POP4: variants seen among roughly 807,000 people sequenced by gnomAD.
POP4 encodes the protein ribonuclease P protein subunit p29.
In POP4, 31 loss-of-function variants were observed where a neutral mutation model predicts 29.9. The observed-to-expected ratio is 1.04, with a 90% CI of 0.78 to 1.40. The LOEUF (loss-of-function observed/expected upper bound fraction) is 1.40, where lower values mean the gene tolerates loss of function less well. POP4 is among the 40% of genes most tolerant of loss of function. POP4 has a pLI of 0.00. For synonymous variants in POP4, 110 were observed against 108.2 expected (o/e 1.02, Z -0.10); for missense variants, 286 against 282.7 (o/e 1.01, Z -0.08).
chr19:29,608,639 T>C lies in POP4; in HGVS notation c.8-18T>C. Reference sequence around the variant, plus strand: ...ATACCCAACAAGAATTGATCATTTCTTTTTTTTAATCCCCCAGGTGTGATC... The same window carrying C: ...ATACCCAACAAGAATTGATCATTTCCTTTTTTTAATCCCCCAGGTGTGATC... On this transcript the variant is annotated intron_variant, in intron 1 of 6. Coordinates refer to ENST00000585603, the MANE Select transcript of POP4 (RefSeq NM_006627.3). 6.3e-7 allele frequency: 1 copy of C among 1,593,062 alleles called. No individual in the cohort carries two copies. The highest frequency in any genetic ancestry group is 8.6e-7 in the Non-Finnish European group (1 of 1,165,360).
At position 29,615,885 on chromosome 19, in the gene POP4, T is replaced by C. The variant is rs965529281; in HGVS notation, c.*505T>C. ...ACAGAGGCTCGCCTTTGGGTGGAACTCTGACCCACCTAAGGTTTACTTTGC... is the reference window on the plus strand; with the variant it reads ...ACAGAGGCTCGCCTTTGGGTGGAACCCTGACCCACCTAAGGTTTACTTTGC... On this transcript the variant is annotated 3_prime_UTR_variant, in exon 7 of 7. Transcript: ENST00000585603. 6.5e-6 allele frequency: 1 copy of C among 153,000 alleles called. No individual in the cohort carries two copies. The highest frequency in any genetic ancestry group is 1.5e-5 in the Non-Finnish European group (1 of 68,596). 9.5% of individuals were successfully genotyped at this position (153,000 alleles called of 1,614,324 possible).
At chr19:29,606,691 C>G (rs1031254240) in intron 1 of POP4, among the ~76,000 whole-genome samples, 5 of 152,208 alleles carry the variant, frequency 3.3e-5, no homozygotes, top group Non-Finnish European at 4.4e-5. Context: ...ATGCAAAGCG[C>G]CGAGAGCTGC....
At position 29,612,145 on chromosome 19, in the gene POP4, T is replaced by G. The variant is rs1384857147; in HGVS notation, c.391T>G (p.Leu131Val). The change falls in exon 5 of 7, where the codon TTA becomes GTA. Residue 131 changes from leucine (L) to valine (V), a missense_variant. Leu to Val is a conservative substitution (Grantham distance 32, BLOSUM62 1). Coordinates refer to ENST00000585603, the MANE Select transcript of POP4 (RefSeq NM_006627.3). ...TQPQMIQAKL[L>V]KADLHGAIIS... ...GCCACAGATGATTCAGGCCAAGCTC[T>G]TAAAGGCAGATCTTCACGGGGCTAT... 1 of 1,611,516 alleles carries G rather than the reference T, an allele frequency of 6.2e-7. No individual in the cohort carries two copies. The highest frequency in any genetic ancestry group is 8.5e-7 in the Non-Finnish European group (1 of 1,179,310).
intron 1 of POP4, among the ~76,000 whole-genome samples, chr19:29,607,397 A>G (rs1050510122): frequency 6.6e-6 from 1 of 152,120 alleles, no homozygotes; most frequent in Non-Finnish European, 1.5e-5. Flanking sequence ...GCAGTGAGCT[A>G]TGATTGTGCC....
At chr19:29,614,262 G>C (rs916645145) in intron 6 of POP4, among the ~76,000 whole-genome samples, 2 of 152,202 alleles carry the variant, frequency 1.3e-5, no homozygotes, top group African/African-American at 4.8e-5. Context: ...CCAGGAGAGG[G>C]CCTCCACCTG....
rs370465931 is a variant in POP4, at chr19:29,611,925, G to A, written c.348G>A (p.Gly116=). 25 of 1,614,014 alleles carry A rather than the reference G, an allele frequency of 1.5e-5. No individual in the cohort carries two copies. In the African/African-American group the frequency reaches 3.2e-4, roughly 21 times the overall value. ...AGTACATCAGGGACCTGTGCAGTGGGCTCAAGCCAGACACGTAAGTTGCAT... is the reference window on the plus strand; with the variant it reads ...AGTACATCAGGGACCTGTGCAGTGGACTCAAGCCAGACACGTAAGTTGCAT... ...WKQYIRDLCS[G]LKPDTQPQMI... Residue 116 remains glycine, a synonymous_variant, in exon 4 of 7, where the codon GGG becomes GGA. Coordinates refer to ENST00000585603, the MANE Select transcript of POP4 (RefSeq NM_006627.3).
At chr19:29,613,995 A>G in intron 6 of POP4, 23 bp downstream of exon 6, 9 of 1,601,272 alleles carry the variant, frequency 5.6e-6, no homozygotes, top group Non-Finnish European at 7.7e-6. Context: ...TTCTGAGGGC[A>G]TTGCTTGCGG....
intron 5 of POP4, 182 bp from the exon 6 acceptor site, chr19:29,613,689 G>A (rs1971097836): frequency 1.5e-5 from 14 of 903,300 alleles, no homozygotes; most frequent in Non-Finnish European, 2.2e-5. Flanking sequence ...CCCAGGGGAA[G>A]CCTGGATTCT....
intron 6 of POP4, 112 bp from the exon 7 acceptor site, chr19:29,615,132 G>A: frequency 7.8e-7 from 1 of 1,282,784 alleles, no homozygotes; most frequent in Non-Finnish European, 1.0e-6. Flanking sequence ...TTTCCTATTA[G>A]CTTATTTTTT....
chr19:29,607,123 T>C (rs1971007211), intron 1 of POP4, among the ~76,000 whole-genome samples: 1 of 152,108 alleles, frequency 6.6e-6, no homozygotes, highest in Non-Finnish European at 1.5e-5. Context: ...TGCAACCACA[T>C]TGGTTTGCTT....
chr19:29,611,764 T>G, intron 3 of POP4, 98 bp from the exon 4 acceptor site: 1 of 949,336 alleles, frequency 1.1e-6, no homozygotes, highest in Non-Finnish European at 1.7e-6. Context: ...GATCCCAGGT[T>G]GCAGTTGTTG....
At position 29,614,066 on chromosome 19, in the gene POP4, C is replaced by T; in HGVS notation, c.526+94C>T. On this transcript the variant is annotated intron_variant, in intron 6 of 6. Coordinates refer to ENST00000585603, the MANE Select transcript of POP4 (RefSeq NM_006627.3). ...CAAGGCTCCAAGAGTTTGATTTGAC[C>T]CCTCAAGTCAGCGCAGATTGCAGAT... 4.0e-6 allele frequency: 6 copies of T among 1,510,122 alleles called. No homozygotes were observed. The Middle Eastern group carries it at 5.3e-4, about 134-fold the overall frequency. The allele number at this position is 1,510,122 out of a possible 1,614,324, so 93.5% of individuals were successfully genotyped here. A position where few individuals can be genotyped will look rare whatever the true frequency, so the allele number is the denominator to read the frequency against.
At chr19:29,612,677 C>T (rs572154951) in intron 5 of POP4, among the ~76,000 whole-genome samples, 1 of 152,198 alleles carries the variant, frequency 6.6e-6, no homozygotes, top group Non-Finnish European at 1.5e-5. Context: ...ACCGATTCTC[C>T]TCACAGCAAC....
In POP4 at chr19:29,616,243, GC is replaced by G; in HGVS notation, c.*866del. ...GACTTGGCTTTTCAGTCTGACCCTG[GC>G]CCTCTGTGACCATGTGTCTGTAAAG... On this transcript the variant is annotated 3_prime_UTR_variant, in exon 7 of 7. Coordinates refer to ENST00000585603, the MANE Select transcript of POP4 (RefSeq NM_006627.3). The G allele has an allele frequency of 6.6e-6, 1 of 152,378 alleles. No individual in the cohort carries two copies. Among genetic ancestry groups the G allele is most frequent in the South Asian group, 2.1e-4 (1 of 4,830 alleles). 9.4% of individuals were successfully genotyped at this position (152,378 alleles called of 1,614,324 possible).
At chr19:29,613,739 C>T in intron 5 of POP4, 132 bp from the exon 6 acceptor site, 2 of 1,383,804 alleles carry the variant, frequency 1.4e-6, no homozygotes, top group Non-Finnish European at 1.9e-6. Flanking sequence ...GCCCCCACCC[C>T]CTGGGTGCTC....
At chr19:29,610,094 A>G (rs898804649) in intron 2 of POP4, 9 of 359,654 alleles carry the variant, frequency 2.5e-5, no homozygotes, top group Admixed American at 1.3e-4. Context: ...AGGATGAGAG[A>G]ATTCTTCTTC....
chr19:29,615,130 T>C, intron 6 of POP4, 114 bp from the exon 7 acceptor site: 1 of 1,271,808 alleles, frequency 7.9e-7, no homozygotes, highest in Non-Finnish European at 1.0e-6. Context: ...CGTTTCCTAT[T>C]AGCTTATTTT....
At chr19:29,607,047 T>A (rs1349317955) in intron 1 of POP4, among the ~76,000 whole-genome samples, 1 of 152,168 alleles carries the variant, frequency 6.6e-6, no homozygotes, top group Non-Finnish European at 1.5e-5. Context: ...GCCCCGCAAG[T>A]TGCTCTCTAC....
chr19:29,610,149 A>G, intron 2 of POP4: 1 of 485,228 alleles, frequency 2.1e-6, no homozygotes. Flanking sequence ...TCAGAAAAGC[A>G]GGGCCAGAGC....
Sources: gnomAD v4.1 joint callset for allele counts (sites outside exome capture counted in the v4.1 genomes callset) on GRCh38, gnomAD v4.1.1 for gene constraint, MANE v1.5 for transcripts, NCBI Gene and HGNC (gene_info 2026-07-23, HGNC 2026-07-21) for gene names.